The following LUZP2 variants were observed in gnomAD, a reference collection of about 807,000 sequenced individuals.
LUZP2 encodes the protein leucine zipper protein 2.
Under a neutral mutation model 51.6 loss-of-function variants are expected in LUZP2, and 52 were observed. That is an observed-to-expected ratio of 1.01 (90% confidence interval 0.81 to 1.27). LUZP2 has a LOEUF of 1.27. LUZP2 is among the 50% of genes most tolerant of loss of function. The pLI is 0.00. For missense variants in LUZP2, 436 were observed against 395.4 expected (o/e 1.10, Z -0.87); for synonymous variants, 154 against 137.3 (o/e 1.12, Z -0.85).
At chr11:24,527,668 CT>C (rs201739094) in intron 1 of LUZP2, among the ~76,000 whole-genome samples, 1,999 of 151,106 alleles carry the variant, frequency 0.013, 47 homozygotes, top group African/African-American at 0.045. Context: ...AGTTCCACCC[CT>C]GCCTCCCACA....
intron 1 of LUZP2, among the ~76,000 whole-genome samples, chr11:24,598,135 G>A (rs908793889): frequency 7.3e-5 from 11 of 151,146 alleles, no homozygotes; most frequent in African/African-American, 2.7e-4. Flanking sequence ...CATTTATTAA[G>A]CACCTGCTTT....
Position 24,576,294 on chromosome 11 carries a change from C to A in LUZP2, c.62+78989C>A, listed in dbSNP as rs917622255. Reference sequence around the variant, plus strand: ...CAGGCATGATGGCATGTGCCTGTAACCCCAGCTATTCAGGAGGCTGAGGCA... The same window carrying A: ...CAGGCATGATGGCATGTGCCTGTAAACCCAGCTATTCAGGAGGCTGAGGCA... On this transcript the variant is annotated intron_variant, in intron 1 of 11. Transcript: ENST00000336930. Among the ~76,000 whole-genome samples the A allele has an allele frequency of 2.0e-5, 3 of 151,142 alleles. No individual in the cohort carries two copies. In the Admixed American group the frequency reaches 2.0e-4, roughly 10 times the overall value.
intron 1 of LUZP2, among the ~76,000 whole-genome samples, chr11:24,631,700 T>C (rs531022376): frequency 8.0e-4 from 122 of 152,074 alleles, no homozygotes; most frequent in Admixed American, 2.8e-3. Context: ...AGGGTGATAC[T>C]AGCCTCGTGG....
At chr11:24,731,897 C>G (rs1483250739) in intron 2 of LUZP2, among the ~76,000 whole-genome samples, 2 of 151,694 alleles carry the variant, frequency 1.3e-5, no homozygotes, top group Admixed American at 1.3e-4. Flanking sequence ...CTCCATCGAA[C>G]CTCTGAAAGC....
chr11:24,570,714 T>C (rs1166524517), intron 1 of LUZP2, among the ~76,000 whole-genome samples: 1 of 152,086 alleles, frequency 6.6e-6, no homozygotes, highest in Non-Finnish European at 1.5e-5. Flanking sequence ...TTGCAGTCTC[T>C]TTTCTATGGA....
At chr11:24,624,436 T>TGTTTA (rs2133912993) in intron 1 of LUZP2, among the ~76,000 whole-genome samples, 1 of 152,278 alleles carries the variant, frequency 6.6e-6, no homozygotes, top group African/African-American at 2.4e-5. Flanking sequence ...GTTAAACATT[T>TGTTTA]GTTTATGTCT....
At chr11:24,824,719 C>A (rs1010687659) in intron 5 of LUZP2, among the ~76,000 whole-genome samples, 2 of 151,894 alleles carry the variant, frequency 1.3e-5, no homozygotes, top group African/African-American at 2.4e-5. Context: ...TTTATATAAT[C>A]ATCTGTTTCT....
chr11:24,731,189 A>G (rs1419649870), intron 2 of LUZP2, among the ~76,000 whole-genome samples: 1 of 151,772 alleles, frequency 6.6e-6, no homozygotes. Context: ...GATTTTCAAC[A>G]TTAGATTAAA....
At chr11:24,912,724 T>G (rs1159596716) in intron 6 of LUZP2, among the ~76,000 whole-genome samples, 3 of 152,088 alleles carry the variant, frequency 2.0e-5, no homozygotes, top group South Asian at 4.2e-4. Context: ...GCAGGAGAAT[T>G]GCTTGAACCA....
intron 3 of LUZP2, among the ~76,000 whole-genome samples, chr11:24,733,020 A>C (rs1858770977): frequency 6.7e-6 from 1 of 148,476 alleles, no homozygotes; most frequent in South Asian, 2.1e-4. Flanking sequence ...CAACGCAAAA[A>C]ACTGTTTCAA....
intron 9 of LUZP2, among the ~76,000 whole-genome samples, chr11:24,986,262 A>G (rs1856183655): frequency 6.6e-6 from 1 of 151,656 alleles, no homozygotes. Flanking sequence ...ATTATATTAT[A>G]TATACTTACA....
At chr11:24,977,621 T>TTATATATG (rs1437008501) in intron 8 of LUZP2, among the ~76,000 whole-genome samples, 2 of 151,686 alleles carry the variant, frequency 1.3e-5, no homozygotes, top group African/African-American at 4.8e-5. Context: ...CATACATGCA[T>TTATATATG]TATATATGTA....
Position 24,738,281 on chromosome 11 carries a change from A to G in LUZP2, c.312A>G (p.Lys104=), listed in dbSNP as rs1565108483. ...ATCAGCTTAAGGAGACATCAGAGAA[A>G]GCAGAAAAACACCAGGCTACTGTAA... ...LQNQLKETSE[K]AEKHQATINF... is the part of the protein sequence containing the mutation. The change falls in exon 4 of 12, where the codon AAA becomes AAG. Residue 104 remains lysine, a synonymous_variant. Transcript: ENST00000336930. The G allele has an allele frequency of 1.2e-6, 2 of 1,612,508 alleles. No homozygotes were observed. The highest frequency in any genetic ancestry group is 1.1e-5 in the South Asian group (1 of 90,984).
chr11:25,044,006 T>TAGTCTATATATATCAGATATATATAG (rs1858170193), intron 9 of LUZP2, among the ~76,000 whole-genome samples: 5 of 97,342 alleles, frequency 5.1e-5, no homozygotes, highest in African/African-American at 3.1e-4. Flanking sequence ...ATCTGATATA[T>TAGTCTATATATATCAGATATATATAG]AGTCTATATA....
At chr11:24,940,055 G>T (rs1460948415) in intron 7 of LUZP2, among the ~76,000 whole-genome samples, 4 of 151,630 alleles carry the variant, frequency 2.6e-5, no homozygotes, top group Non-Finnish European at 4.4e-5. Flanking sequence ...ACCACCTTAA[G>T]TGTCTTTTGA....
intron 5 of LUZP2, among the ~76,000 whole-genome samples, chr11:24,769,860 A>G (rs1198347246): frequency 6.6e-6 from 1 of 151,320 alleles, no homozygotes; most frequent in Non-Finnish European, 1.5e-5. Flanking sequence ...TGGCACCATC[A>G]TGGCTCACTG....
intron 1 of LUZP2, among the ~76,000 whole-genome samples, chr11:24,583,949 T>C (rs11028038): frequency 0.17 from 26,003 of 151,694 alleles, 2,670 homozygotes; most frequent in Middle Eastern, 0.33. Context: ...CCTGACCTTG[T>C]GATCCGCCGG....
chr11:24,546,406 A>T (rs1177425576), intron 1 of LUZP2, among the ~76,000 whole-genome samples: 1 of 151,986 alleles, frequency 6.6e-6, no homozygotes, highest in Non-Finnish European at 1.5e-5. Context: ...TAGTATGAGG[A>T]TGACTGTGGG....
At chr11:24,656,362 G>A (rs1038777555) in intron 1 of LUZP2, among the ~76,000 whole-genome samples, 2 of 152,194 alleles carry the variant, frequency 1.3e-5, no homozygotes. Flanking sequence ...GAATAAATGA[G>A]TTGGTAATCA....
Sources: gnomAD v4.1 joint callset for allele counts (sites outside exome capture counted in the v4.1 genomes callset) on GRCh38, gnomAD v4.1.1 for gene constraint, MANE v1.5 for transcripts, NCBI Gene and HGNC (gene_info 2026-07-23, HGNC 2026-07-21) for gene names.